GNB4: variants seen among roughly 807,000 people sequenced by gnomAD.
GNB4 encodes G protein subunit beta 4.
GNB4 carries 28 observed loss-of-function variants against 45.2 expected under a neutral mutation model. That is an observed-to-expected ratio of 0.62 (90% CI 0.46 to 0.85). GNB4 has a LOEUF of 0.85. Ranked by LOEUF, GNB4 falls within the 40% of genes least tolerant of loss-of-function variation. GNB4 has a pLI of 0.00. For synonymous variants in GNB4, 132 were observed against 143.7 expected, an observed-to-expected ratio of 0.92 and a Z score of 0.58; for missense variants, 321 against 425.4, an observed-to-expected ratio of 0.75 and a Z score of 2.16.
At chr3:179,479,661 G>A in the GNB4 span, among the ~76,000 whole-genome samples, 20 of 152,226 alleles carry the variant, frequency 1.3e-4, no homozygotes, top group South Asian at 6.2e-4. Context: ...CACTAAGGTC[G>A]TCCTGTGAGC....
At chr3:179,440,521 T>C (rs1438279854) in intron 1 of GNB4, among the ~76,000 whole-genome samples, 1 of 152,184 alleles carries the variant, frequency 6.6e-6, no homozygotes, top group Non-Finnish European at 1.5e-5. Flanking sequence ...GTTTTATTAT[T>C]TTTTTCAAGA....
the GNB4 span, among the ~76,000 whole-genome samples, chr3:179,500,076 C>T: frequency 1.3e-5 from 2 of 152,174 alleles, no homozygotes; most frequent in African/African-American, 4.8e-5. Flanking sequence ...TGCAGAAGCT[C>T]TTTAGTTTAA....
chr3:179,507,221 T>C, the GNB4 span, among the ~76,000 whole-genome samples: 1 of 152,228 alleles, frequency 6.6e-6, no homozygotes. Flanking sequence ...ATTGCACTAG[T>C]CTTGCCTCTG....
intron 3 of GNB4, among the ~76,000 whole-genome samples, chr3:179,419,792 C>T (rs1577031246): frequency 6.6e-6 from 1 of 152,014 alleles, no homozygotes. Flanking sequence ...TACCTCTATG[C>T]TTTAGTAAAA....
chr3:179,419,687 T>C (rs1714920734), intron 3 of GNB4, among the ~76,000 whole-genome samples, 182 bp from the exon 4 acceptor site: 1 of 152,202 alleles, frequency 6.6e-6, no homozygotes, highest in Non-Finnish European at 1.5e-5. Flanking sequence ...AAAATTATGA[T>C]TAGTTTAAAA....
the GNB4 span, among the ~76,000 whole-genome samples, chr3:179,514,796 T>C: frequency 1.3e-5 from 2 of 152,172 alleles, no homozygotes; most frequent in Non-Finnish European, 2.9e-5. Flanking sequence ...CTTCCAAAAC[T>C]GTGAAAAATT....
chr3:179,421,337 A>G (rs774270947), intron 2 of GNB4, among the ~76,000 whole-genome samples: 2 of 152,224 alleles, frequency 1.3e-5, no homozygotes, highest in Non-Finnish European at 2.9e-5. Flanking sequence ...ACAAACTGAA[A>G]AGGATTATCA....
chr3:179,433,438 C>G (rs1715362478), intron 1 of GNB4, among the ~76,000 whole-genome samples: 1 of 151,916 alleles, frequency 6.6e-6, no homozygotes, highest in Admixed American at 6.6e-5. Flanking sequence ...AAAAGATCAA[C>G]TATAAGAGCT....
chr3:179,409,125 TAAAAA>T (rs35623624), intron 8 of GNB4, among the ~76,000 whole-genome samples: 2 of 134,146 alleles, frequency 1.5e-5, no homozygotes, highest in Non-Finnish European at 3.2e-5. Flanking sequence ...TGAAACCCAG[TAAAAA>T]AAAAAAAAAA....
the GNB4 span, among the ~76,000 whole-genome samples, chr3:179,522,781 G>C: frequency 6.6e-6 from 1 of 152,174 alleles, no homozygotes; most frequent in East Asian, 1.9e-4. Flanking sequence ...CAGTCATGGG[G>C]GTCAGGTGTG....
Position 179,419,391 on chromosome 3 carries a change from G to C in GNB4, c.203+8C>G. The stretch of plus-strand genomic sequence containing the variant: ...GTTTAAAAATGACAGGTAATGACAG[G>C]TACAAACCTGGAATCGTATCCCCAA... On this transcript the variant is annotated splice_region_variant and intron_variant, in intron 4 of 9. Coordinates refer to ENST00000232564, the MANE Select transcript of GNB4 (RefSeq NM_021629.4). 1 of 1,498,618 alleles carries C rather than the reference G, an allele frequency of 6.7e-7. No homozygotes were observed. The allele number at this position is 1,498,618 out of a possible 1,614,324, so 92.8% of individuals were successfully genotyped here. A position where few individuals can be genotyped will look rare whatever the true frequency, so the allele number is the denominator to read the frequency against.
At chr3:179,461,994 C>T in the GNB4 span, among the ~76,000 whole-genome samples, 3,961 of 152,302 alleles carry the variant, frequency 0.026, 103 homozygotes, top group African/African-American at 0.065. Context: ...GCACTTACAA[C>T]AGTTTCTAGT....
chr3:179,503,240 G>A, the GNB4 span, among the ~76,000 whole-genome samples: 1 of 152,172 alleles, frequency 6.6e-6, no homozygotes, highest in Non-Finnish European at 1.5e-5. Context: ...GTATTTAGAG[G>A]TATAGTGGTA....
At chr3:179,525,382 G>A in the GNB4 span, among the ~76,000 whole-genome samples, 1 of 152,170 alleles carries the variant, frequency 6.6e-6, no homozygotes, top group Admixed American at 6.5e-5. Flanking sequence ...CACAGGCTAA[G>A]GGAGAAGAAG....
At chr3:179,491,743 C>G in the GNB4 span, among the ~76,000 whole-genome samples, 4 of 152,146 alleles carry the variant, frequency 2.6e-5, no homozygotes, top group African/African-American at 4.8e-5. Context: ...TTTTACCAAG[C>G]TATTTTTGTA....
chr3:179,429,117 C>T (rs895735244), intron 1 of GNB4, among the ~76,000 whole-genome samples: 1 of 152,246 alleles, frequency 6.6e-6, no homozygotes, highest in South Asian at 2.1e-4. Flanking sequence ...GAACACAAGT[C>T]CCTAGTGGCT....
intron 1 of GNB4, among the ~76,000 whole-genome samples, chr3:179,435,604 C>A (rs1223962957): frequency 6.6e-6 from 1 of 152,006 alleles, no homozygotes; most frequent in East Asian, 1.9e-4. Flanking sequence ...ATCGCTAAGG[C>A]AATTTTAAAC....
At chr3:179,403,150 C>T (rs148696255) in intron 9 of GNB4, among the ~76,000 whole-genome samples, 24 of 152,254 alleles carry the variant, frequency 1.6e-4, no homozygotes, top group African/African-American at 4.6e-4. Context: ...CCTCAGTGAA[C>T]GGCCAGCCTA....
chr3:179,466,144 G>C, the GNB4 span, among the ~76,000 whole-genome samples: 2 of 151,862 alleles, frequency 1.3e-5, no homozygotes, highest in African/African-American at 4.8e-5. Context: ...CTGAGCAGCT[G>C]GGATTACAGG....
Sources: gnomAD v4.1 joint callset for allele counts (sites outside exome capture counted in the v4.1 genomes callset) on GRCh38, gnomAD v4.1.1 for gene constraint, MANE v1.5 for transcripts, NCBI Gene and HGNC (gene_info 2026-07-23, HGNC 2026-07-21) for gene names.